The following SLCO1B3 variants were observed in gnomAD, a reference collection of about 807,000 sequenced individuals.
SLCO1B3 encodes the protein liver-specific organic anion transporter 2.
A neutral mutation model predicts 71.8 loss-of-function variants in SLCO1B3; 72 were observed. The ratio of observed to expected loss-of-function variants is 1.00; its 90% CI spans 0.83 to 1.22. The LOEUF (loss-of-function observed/expected upper bound fraction) is 1.22, where lower values mean the gene tolerates loss of function less well. Ranked by LOEUF, SLCO1B3 falls within the 50% of genes most tolerant of loss-of-function variation. The pLI, the probability that SLCO1B3 is intolerant of heterozygous loss-of-function variation, is 0.00. For missense variants in SLCO1B3, 911 were observed against 819.7 expected, an observed-to-expected ratio of 1.11 and a Z score of -1.36; for synonymous variants, 298 against 278.4, an observed-to-expected ratio of 1.07 and a Z score of -0.70.
intron 3 of SLCO1B3, among the ~76,000 whole-genome samples, chr12:20,817,257 A>T (rs1864209006): frequency 1.3e-5 from 2 of 152,148 alleles, no homozygotes; most frequent in Non-Finnish European, 2.9e-5. Flanking sequence ...CTGGGGTAAG[A>T]AATTTGCTCA....
chr12:20,874,881 CAG>C (rs1042756659), intron 8 of SLCO1B3, among the ~76,000 whole-genome samples: 6 of 152,082 alleles, frequency 3.9e-5, no homozygotes, highest in Non-Finnish European at 8.8e-5. Flanking sequence ...TTTCAGACAA[CAG>C]TGAGGATTCA....
At chr12:20,907,302 A>C (rs1866265875) in intron 15 of SLCO1B3, among the ~76,000 whole-genome samples, 1 of 152,144 alleles carries the variant, frequency 6.6e-6, no homozygotes, top group Non-Finnish European at 1.5e-5. Flanking sequence ...GAATTACAGT[A>C]AAGCAGCATT....
chr12:20,845,787 G>C (rs1464150631), intron 3 of SLCO1B3, among the ~76,000 whole-genome samples: 1 of 152,010 alleles, frequency 6.6e-6, no homozygotes, highest in East Asian at 1.9e-4. Context: ...TTTCTCTCTA[G>C]ATCATCTGTC....
chr12:20,880,047 T>G (rs1271977360), intron 11 of SLCO1B3, among the ~76,000 whole-genome samples: 1 of 151,904 alleles, frequency 6.6e-6, no homozygotes, highest in Non-Finnish European at 1.5e-5. Flanking sequence ...TCAATCTCCT[T>G]ATTTTTCTTA....
intron 5 of SLCO1B3, among the ~76,000 whole-genome samples, chr12:20,859,362 C>T (rs1346735893): frequency 2.6e-5 from 4 of 152,162 alleles, no homozygotes; most frequent in African/African-American, 4.8e-5. Flanking sequence ...AAAAAACCAA[C>T]TTCTGTTACT....
At chr12:20,867,303 A>C (rs959464994) in intron 8 of SLCO1B3, among the ~76,000 whole-genome samples, 1 of 152,188 alleles carries the variant, frequency 6.6e-6, no homozygotes, top group Non-Finnish European at 1.5e-5. Context: ...CATCATTGTT[A>C]TGTAAAAAGC....
rs577864151 is a variant in SLCO1B3, at chr12:20,860,768, T to C, written c.360-249T>C. Among the ~76,000 whole-genome samples the C allele has an allele frequency of 2.0e-5, 3 of 152,226 alleles. No homozygotes were observed. In the East Asian group the frequency reaches 5.8e-4, roughly 29 times the overall value. ...TATCTTGACCAGATTATAAGCACTCTTAGGATAAAAGCAAGGTGATAACCC... is the reference window on the plus strand; with the variant it reads ...TATCTTGACCAGATTATAAGCACTCCTAGGATAAAAGCAAGGTGATAACCC... On this transcript the variant is annotated intron_variant, in intron 5 of 15. Transcript: ENST00000381545.
chr12:20,832,841 C>A (rs1390889278), intron 3 of SLCO1B3, among the ~76,000 whole-genome samples: 1 of 152,208 alleles, frequency 6.6e-6, no homozygotes, highest in Non-Finnish European at 1.5e-5. Flanking sequence ...CTTTAACCAG[C>A]TTGATTTTCA....
chr12:20,828,129 G>T (rs1864465507), intron 3 of SLCO1B3, among the ~76,000 whole-genome samples: 1 of 152,004 alleles, frequency 6.6e-6, no homozygotes, highest in African/African-American at 2.4e-5. Flanking sequence ...TGAGCTCTTT[G>T]CACAAAGCTC....
chr12:20,885,660 GA>G (rs1223277670), intron 13 of SLCO1B3, among the ~76,000 whole-genome samples: 1 of 151,838 alleles, frequency 6.6e-6, no homozygotes, highest in Non-Finnish European at 1.5e-5. Flanking sequence ...GACAGGAAAG[GA>G]ACAAGCTAGG....
chr12:20,827,103 A>G (rs1336097054), intron 3 of SLCO1B3, among the ~76,000 whole-genome samples: 1 of 151,852 alleles, frequency 6.6e-6, no homozygotes, highest in Admixed American at 6.6e-5. Flanking sequence ...TAAGCCAACA[A>G]TTTTCAATGC....
In SLCO1B3 at chr12:20,855,179, A is replaced by G; in HGVS notation, c.226+10A>G. 1 of 1,595,554 alleles carries G rather than the reference A, an allele frequency of 6.3e-7. No individual in the cohort carries two copies. Among genetic ancestry groups the G allele is most frequent in the Non-Finnish European group, 8.6e-7 (1 of 1,168,148 alleles). On this transcript the variant is annotated intron_variant, in intron 4 of 15. Transcript: ENST00000381545. ...GGAAGCTTTGAAATTGGTAACTTTT[A>G]TTTTTTCTATTTGATAACCATACTT...
chr12:20,837,412 C>T (rs1864707118), intron 3 of SLCO1B3, among the ~76,000 whole-genome samples: 1 of 152,000 alleles, frequency 6.6e-6, no homozygotes, highest in South Asian at 2.1e-4. Flanking sequence ...AACTTAAATA[C>T]TGATTTTAAA....
intron 4 of SLCO1B3, among the ~76,000 whole-genome samples, chr12:20,856,581 A>C (rs1865142269): frequency 6.6e-6 from 1 of 152,116 alleles, no homozygotes; most frequent in African/African-American, 2.4e-5. Flanking sequence ...TTGTTTTTCA[A>C]GGCAGAGTCT....
chr12:20,901,839 G>A (rs1591790061), intron 15 of SLCO1B3: 1 of 418,154 alleles, frequency 2.4e-6, no homozygotes. Context: ...TGCAGCTCTG[G>A]TTATATGGTA....
At chr12:20,887,251 G>A (rs1865808275) in intron 13 of SLCO1B3, among the ~76,000 whole-genome samples, 1 of 151,978 alleles carries the variant, frequency 6.6e-6, no homozygotes, top group Non-Finnish European at 1.5e-5. Flanking sequence ...GGGATTGCTG[G>A]ATTAAATGGT....
At chr12:20,862,003 T>C (rs1489734407) in intron 6 of SLCO1B3, among the ~76,000 whole-genome samples, 1 of 152,260 alleles carries the variant, frequency 6.6e-6, no homozygotes, top group East Asian at 1.9e-4. Context: ...GAAACTATTA[T>C]TCAACACACT....
intron 15 of SLCO1B3, among the ~76,000 whole-genome samples, chr12:20,905,364 C>T (rs757283190): frequency 6.6e-6 from 1 of 152,192 alleles, no homozygotes; most frequent in Admixed American, 6.5e-5. Flanking sequence ...ATGCAAATTT[C>T]TACAGCAGGC....
intron 15 of SLCO1B3, among the ~76,000 whole-genome samples, chr12:20,902,632 A>G (rs929927546): frequency 3.9e-5 from 6 of 152,204 alleles, no homozygotes; most frequent in Non-Finnish European, 8.8e-5. Context: ...AAAGAGAACA[A>G]GAACAGATAA....
Sources: gnomAD v4.1 joint callset for allele counts (sites outside exome capture counted in the v4.1 genomes callset) on GRCh38, gnomAD v4.1.1 for gene constraint, MANE v1.5 for transcripts, NCBI Gene and HGNC (gene_info 2026-07-23, HGNC 2026-07-21) for gene names.